The following HMCN2 variants were observed in gnomAD, a reference collection of about 807,000 sequenced individuals.
The protein encoded by HMCN2 is hemicentin-2.
A neutral mutation model predicts 377.5 loss-of-function variants in HMCN2; 325 were observed. The observed-to-expected ratio is 0.86, with a 90% CI of 0.79 to 0.94. The LOEUF (loss-of-function observed/expected upper bound fraction) is 0.94. Ranked by LOEUF, HMCN2 falls within the 40% of genes least tolerant of loss-of-function variation. HMCN2 has a pLI of 0.00. For missense variants in HMCN2, 4,543 were observed against 4,725.3 expected (o/e 0.96, Z 1.13); for synonymous variants, 2,007 against 2,046.8 (o/e 0.98, Z 0.53).
Position 130,360,740 on chromosome 9 carries a change from TCATCCATCCAACCATCCATCCATC to T in HMCN2, c.5950+147_5950+170del, listed in dbSNP as rs1353119213. Reference sequence around the variant, plus strand: ...ATCCATCCGTTACCCCATCCATCCATCATCCATCCAACCATCCATCCATCCATCCATCCATCCATCCATCCATCC... The same window carrying T: ...ATCCATCCGTTACCCCATCCATCCATCATCCATCCATCCATCCATCCATCC... On this transcript the variant is annotated intron_variant, in intron 38 of 97. Coordinates refer to ENST00000683500, the MANE Select transcript of HMCN2 (RefSeq NM_001291815.2). The surrounding 1 kb of genome is among the most constrained non-coding windows in gnomAD (Gnocchi z 4.7). 1.3e-5 allele frequency: 5 copies of T among 379,944 alleles called. No individual in the cohort carries two copies. Among genetic ancestry groups the T allele is most frequent in the African/African-American group, 2.2e-5 (1 of 45,008 alleles). The allele number at this position is 379,944 out of a possible 1,614,324, so 23.5% of individuals were successfully genotyped here.
rs1842424438 is a variant in HMCN2, at chr9:130,393,166, C to T, written c.10137-46C>T. On this transcript the variant is annotated intron_variant, in intron 66 of 97. Coordinates refer to ENST00000683500, the MANE Select transcript of HMCN2 (RefSeq NM_001291815.2). This position sits in a 1 kb window ranked among gnomAD's most constrained non-coding sequence, Gnocchi z 5.2. Reference sequence around the variant, plus strand: ...TCTCCCTTTCTCTTCCTCTCTCTCTCTCCCTTTCTCTTGTCTCCTTCTCCC... The same window carrying T: ...TCTCCCTTTCTCTTCCTCTCTCTCTTTCCCTTTCTCTTGTCTCCTTCTCCC... 7 of 971,262 alleles carry T rather than the reference C, an allele frequency of 7.2e-6. No homozygotes were observed. Among genetic ancestry groups the T allele is most frequent in the Non-Finnish European group, 8.6e-6 (7 of 814,998 alleles). The allele number at this position is 971,262 out of a possible 1,614,324, so 60.2% of individuals were successfully genotyped here.
In HMCN2 at chr9:130,375,560, C is replaced by G. The variant is rs775556242; in HGVS notation, c.7631-3C>G. The G allele has an allele frequency of 4.9e-4, 485 of 985,806 alleles. No homozygotes were observed. The highest frequency in any genetic ancestry group is 5.6e-4 in the Non-Finnish European group (463 of 829,974). The allele number at this position is 985,806 out of a possible 1,614,324, so 61.1% of individuals were successfully genotyped here. On this transcript the variant is annotated splice_region_variant and splice_polypyrimidine_tract_variant and intron_variant, in intron 49 of 97. Coordinates refer to ENST00000683500, the MANE Select transcript of HMCN2 (RefSeq NM_001291815.2). Reference sequence around the variant, plus strand: ...TAACTGCCTCCCTGGCCCCCCATCACAGTGGCTCCCACCATCCTGGGAGGG... The same window carrying G: ...TAACTGCCTCCCTGGCCCCCCATCAGAGTGGCTCCCACCATCCTGGGAGGG...
chr9:130,373,203 GC>G, intron 48 of HMCN2, 79 bp downstream of exon 48: 2 of 416,148 alleles, frequency 4.8e-6, no homozygotes, highest in Non-Finnish European at 6.5e-6. Flanking sequence ...CTGGGGATCT[GC>G]CCACCTGCCC....
chr9:130,297,111 C>T (rs1210490762), intron 7 of HMCN2, among the ~76,000 whole-genome samples: 5 of 152,204 alleles, frequency 3.3e-5, no homozygotes, highest in African/African-American at 9.7e-5. Flanking sequence ...ACACCTTCTT[C>T]TTTCTTTTTG....
At position 130,362,111 on chromosome 9, in the gene HMCN2, G is replaced by A. The variant is rs560854600; in HGVS notation, c.6054G>A (p.Leu2018=). The change falls in exon 39 of 98, where the codon CTG becomes CTA. Residue 2018 remains leucine (L), a synonymous_variant. Transcript: ENST00000683500. ...CNATGAPSPT[L]MWLKDGNPVS... ...CCACCGGTGCCCCCAGCCCCACACTGATGTGGCTGAAGGATGGAAACCCTG... is the reference window on the plus strand; with the variant it reads ...CCACCGGTGCCCCCAGCCCCACACTAATGTGGCTGAAGGATGGAAACCCTG... The A allele has an allele frequency of 1.0e-6, 1 of 985,964 alleles. No individual in the cohort carries two copies. The highest frequency in any genetic ancestry group is 1.7e-5 in the African/African-American group (1 of 57,380). 61.1% of individuals were successfully genotyped at this position (985,964 alleles called of 1,614,324 possible).
rs75578679 is a variant in HMCN2, at chr9:130,289,913, C to T, written c.612+3603C>T. ...CTCATCTGTGCCTCGGGGGCCCATT[C>T]GCCCCCTGGCTTTCCTTCCCTGCTT... On this transcript the variant is annotated intron_variant, in intron 4 of 97. Transcript: ENST00000683500. 2.4e-4 allele frequency among the ~76,000 whole-genome samples: 36 copies of T among 152,314 alleles called. No individual in the cohort carries two copies. The East Asian group carries it at 6.0e-3, about 25-fold the overall frequency.
rs925419202 is a variant in HMCN2 at position 130,375,750 on chromosome 9, G to C, written c.7804+14G>C. On this transcript the variant is annotated intron_variant, in intron 50 of 97. Coordinates refer to ENST00000683500, the MANE Select transcript of HMCN2 (RefSeq NM_001291815.2). Reference sequence around the variant, plus strand: ...AGCTGCTCCCAGGTGACGCCCTCTGGGGGGAAAGGAGGGAGGGAACAGGTG... The same window carrying C: ...AGCTGCTCCCAGGTGACGCCCTCTGCGGGGAAAGGAGGGAGGGAACAGGTG... 5.1e-6 allele frequency: 5 copies of C among 985,694 alleles called. No homozygotes were observed. In the African/African-American group the frequency reaches 7.0e-5, roughly 14 times the overall value. 61.1% of individuals were successfully genotyped at this position (985,694 alleles called of 1,614,324 possible). A position where few individuals can be genotyped will look rare whatever the true frequency, so the allele number is the denominator to read the frequency against.
rs1554920788 is a variant in HMCN2 at position 130,270,546 on chromosome 9, G to A, written c.259+4409G>A. On this transcript the variant is annotated intron_variant, in intron 1 of 97. Transcript: ENST00000683500. The stretch of plus-strand genomic sequence containing the variant: ...TGTGCCACTGCCCTCCAGCCTGGGC[G>A]ACAGAGCAAGACCCTGTCTCAAAAA... Among the ~76,000 whole-genome samples the A allele has an allele frequency of 2.7e-5, 4 of 148,202 alleles. 1 individual carries two copies. Among genetic ancestry groups the A allele is most frequent in the African/African-American group, 4.9e-5 (2 of 41,102 alleles).
At chr9:130,333,208 C>T (rs1018321034) in intron 22 of HMCN2, among the ~76,000 whole-genome samples, 11 of 152,178 alleles carry the variant, frequency 7.2e-5, no homozygotes, top group Admixed American at 2.0e-4. Context: ...CCTTCCCTCA[C>T]GGAGCCATCA....
rs914363199 is a variant in HMCN2 at position 130,304,997 on chromosome 9, T to A, written c.1811T>A (p.Val604Glu). 2.1e-6 allele frequency: 1 copy of A among 469,292 alleles called. No individual in the cohort carries two copies. Among genetic ancestry groups the A allele is most frequent in the Non-Finnish European group, 4.4e-6 (1 of 225,518 alleles). 29.1% of individuals were successfully genotyped at this position (469,292 alleles called of 1,614,324 possible). Residue 604 changes from valine to glutamate, a missense_variant, in exon 11 of 98, where the codon GTG becomes GAG. Around this residue, in one of 5 missense-constraint regions of HMCN2, gnomAD observed 547 missense variants for 189.9 expected, o/e 2.88. Transcript: ENST00000683500. This position sits in a 1 kb window ranked among gnomAD's most constrained non-coding sequence, Gnocchi z 4.3. ...GVTRASVWLL[V>E]REAPQVSIHT... ...ACAAGGGCATCCGTCTGGCTCCTGG[T>A]GCGAGGTGAGGCTCATCCTGCTGCT... is the stretch of plus-strand genomic sequence containing the variant.
chr9:130,399,505 C>A lies in HMCN2; in HGVS notation c.11484-6C>A. 7.8e-7 allele frequency: 1 copy of A among 1,281,464 alleles called. No homozygotes were observed. The highest frequency in any genetic ancestry group is 2.1e-4 in the Middle Eastern group (1 of 4,656). 79.4% of individuals were successfully genotyped at this position (1,281,464 alleles called of 1,614,324 possible). On this transcript the variant is annotated splice_polypyrimidine_tract_variant and splice_region_variant and intron_variant, in intron 75 of 97. Coordinates refer to ENST00000683500, the MANE Select transcript of HMCN2 (RefSeq NM_001291815.2). ...AGCCACTTGGCCGTCTGTCTGTCCA[C>A]CCCAGGCTCCTGCCCTCCAACGCCC...
intron 85 of HMCN2, among the ~76,000 whole-genome samples, chr9:130,415,210 G>A (rs1210266141): frequency 6.6e-6 from 1 of 152,138 alleles, no homozygotes; most frequent in Non-Finnish European, 1.5e-5. Flanking sequence ...ATTTAAATAA[G>A]AGCCCAAATC....
intron 61 of HMCN2, among the ~76,000 whole-genome samples, chr9:130,387,514 C>T (rs1842090377): frequency 6.6e-6 from 1 of 152,204 alleles, no homozygotes; most frequent in Admixed American, 6.5e-5. Context: ...AAGTGGTGGG[C>T]AAGCATTTAT....
chr9:130,329,413 C>G (rs1446414205), intron 22 of HMCN2, among the ~76,000 whole-genome samples: 1 of 149,258 alleles, frequency 6.7e-6, no homozygotes, highest in Non-Finnish European at 1.5e-5. Flanking sequence ...GCTGTTTCCA[C>G]ATTTTGGTGG....
rs1843247159 is a variant in HMCN2 at position 130,408,799 on chromosome 9, A to G, written c.12745A>G (p.Ser4249Gly). The part of the protein sequence containing the change: ...FSYLVEPVGG[S>G]IQLDCVVRGD... ...CTACCTGGTGGAACCTGTAGGAGGC[A>G]GCATTCAGCTAGACTGTGTGGTGCG... Residue 4249 changes from serine to glycine, a missense_variant, in exon 84 of 98, where the codon AGC (serine) becomes GGC (glycine). By Grantham distance (56) the Ser-to-Gly change is moderately conservative. Transcript: ENST00000683500. 1 of 1,289,644 alleles carries G rather than the reference A, an allele frequency of 7.8e-7. No homozygotes were observed. Among genetic ancestry groups the G allele is most frequent in the African/African-American group, 1.5e-5 (1 of 65,856 alleles). 79.9% of individuals were successfully genotyped at this position (1,289,644 alleles called of 1,614,324 possible).
chr9:130,359,507 T>TGA (rs1588306015), intron 37 of HMCN2, 93 bp downstream of exon 37: 1 of 501,886 alleles, frequency 2.0e-6, no homozygotes, highest in East Asian at 8.2e-5. Context: ...TGATTGGACA[T>TGA]AATGGGGAGA....
intron 8 of HMCN2, among the ~76,000 whole-genome samples, chr9:130,301,644 C>T (rs1020781794): frequency 1.3e-5 from 2 of 152,242 alleles, no homozygotes; most frequent in African/African-American, 4.8e-5. Flanking sequence ...CACCCCTCCC[C>T]CCCCGGGACA....
Position 130,395,014 on chromosome 9 carries a change from G to A in HMCN2, c.10693-13G>A, listed in dbSNP as rs773468055. 1.9e-5 allele frequency: 24 copies of A among 1,280,914 alleles called. No homozygotes were observed. Among genetic ancestry groups the A allele is most frequent in the Middle Eastern group, 2.4e-4 (1 of 4,100 alleles). 79.3% of individuals were successfully genotyped at this position (1,280,914 alleles called of 1,614,324 possible). On this transcript the variant is annotated splice_polypyrimidine_tract_variant and intron_variant, in intron 69 of 97. Coordinates refer to ENST00000683500, the MANE Select transcript of HMCN2 (RefSeq NM_001291815.2). ...GGGGCCAGGGGCAGCTGCTCAACCC[G>A]CTCCATCCCCAGGTTAGGGATGCTG... is the stretch of plus-strand genomic sequence containing the variant.
At chr9:130,402,486 C>CAGAT (rs1315908369) in intron 77 of HMCN2, among the ~76,000 whole-genome samples, 2 of 152,200 alleles carry the variant, frequency 1.3e-5, no homozygotes, top group Non-Finnish European at 2.9e-5. Context: ...AGGGGAGTGG[C>CAGAT]AGATCCTGGA....
Sources: allele counts gnomAD v4.1 joint callset (sites outside exome capture counted in the v4.1 genomes callset), GRCh38; gene constraint gnomAD v4.1.1; regional missense constraint gnomAD v4.1.1; non-coding constraint Gnocchi (gnomAD v3.1); transcripts MANE v1.5; gene names NCBI Gene and HGNC (gene_info 2026-07-23, HGNC 2026-07-21).